DTX2: variants seen among roughly 807,000 people sequenced by gnomAD.
DTX2 encodes probable E3 ubiquitin-protein ligase DTX2.
Under a neutral mutation model 55.3 loss-of-function variants are expected in DTX2, and 29 were observed. The observed-to-expected ratio is 0.52, with a 90% CI of 0.39 to 0.71. DTX2 has a LOEUF of 0.71. DTX2 is among the 30% of genes least tolerant of loss of function. The pLI, the probability that DTX2 is intolerant of heterozygous loss-of-function variation, is 0.00. For synonymous variants in DTX2, 276 were observed against 340.4 expected, an observed-to-expected ratio of 0.81 and a Z score of 2.08; for missense variants, 537 against 822.5, an observed-to-expected ratio of 0.65 and a Z score of 4.25.
chr7:76,503,703 C>T (rs984810156), intron 9 of DTX2, 116 bp downstream of exon 9: 3 of 1,065,662 alleles, frequency 2.8e-6, no homozygotes, highest in African/African-American at 3.1e-5. Context: ...AAGCTCAGGC[C>T]CCCAGGTCCC....
chr7:76,480,840 C>T (rs1563733586), intron 3 of DTX2, 63 bp downstream of exon 3: 8 of 1,498,162 alleles, frequency 5.3e-6, no homozygotes, highest in Middle Eastern at 2.2e-4. Context: ...ACAGGCTCTG[C>T]GCCAGGTGTT....
chr7:76,497,640 G>C (rs1288186029), intron 6 of DTX2, among the ~76,000 whole-genome samples, 163 bp downstream of exon 6: 1 of 139,142 alleles, frequency 7.2e-6, no homozygotes, highest in Non-Finnish European at 1.5e-5. Context: ...CAGCAGAGGC[G>C]GCCCCTGGAA....
chr7:76,468,903 C>T (rs1418183295), intron 2 of DTX2, among the ~76,000 whole-genome samples: 1 of 134,862 alleles, frequency 7.4e-6, no homozygotes, highest in Admixed American at 7.7e-5. Context: ...GCTGGGACTA[C>T]AGGTGCACGC....
At chr7:76,490,995 CTTTT>C (rs773754831) in intron 4 of DTX2, among the ~76,000 whole-genome samples, 24 of 63,366 alleles carry the variant, frequency 3.8e-4, no homozygotes, top group South Asian at 1.4e-3. Flanking sequence ...TGAGAACCTG[CTTTT>C]TTTTTTTTTT....
intron 3 of DTX2, among the ~76,000 whole-genome samples, chr7:76,481,651 G>A (rs1584177973): frequency 6.6e-6 from 1 of 151,964 alleles, no homozygotes; most frequent in Non-Finnish European, 1.5e-5. Context: ...TGGGTGGGAG[G>A]TGGGGGTGCT....
chr7:76,495,370 T>G (rs954284423), intron 5 of DTX2, among the ~76,000 whole-genome samples: 1 of 150,770 alleles, frequency 6.6e-6, no homozygotes, highest in Non-Finnish European at 1.5e-5. Context: ...GGCTTCACTC[T>G]TCAGGGCTCT....
At chr7:76,480,389 T>A in intron 2 of DTX2, 32 bp from the exon 3 acceptor site, 1 of 1,172,474 alleles carries the variant, frequency 8.5e-7, no homozygotes, top group Non-Finnish European at 1.2e-6. Flanking sequence ...CTGATGTGCA[T>A]TGGTAACTGC....
chr7:76,481,770 C>G (rs968171722), intron 3 of DTX2, among the ~76,000 whole-genome samples: 1 of 150,968 alleles, frequency 6.6e-6, no homozygotes, highest in African/African-American at 2.4e-5. Context: ...AGTGAGGAAA[C>G]TTGAAAAACT....
At chr7:76,495,444 T>A (rs2530646) in intron 5 of DTX2, among the ~76,000 whole-genome samples, 10 of 152,034 alleles carry the variant, frequency 6.6e-5, no homozygotes, top group East Asian at 1.9e-4. Flanking sequence ...TATTCAGGTG[T>A]TTTGGGGGCT....
chr7:76,468,109 T>A (rs1194781269), intron 2 of DTX2, among the ~76,000 whole-genome samples: 1 of 152,292 alleles, frequency 6.6e-6, no homozygotes, highest in Non-Finnish European at 1.5e-5. Context: ...CAGGGCCTGA[T>A]TCCCGGATGC....
chr7:76,471,767 C>T (rs540230511), intron 2 of DTX2, among the ~76,000 whole-genome samples: 5 of 151,280 alleles, frequency 3.3e-5, no homozygotes, highest in African/African-American at 9.8e-5. Context: ...TGGGTAGGCC[C>T]GTAAACCAGG....
chr7:76,499,896 T>A (rs1811445895), intron 6 of DTX2: 1 of 337,876 alleles, frequency 3.0e-6, no homozygotes, highest in African/African-American at 2.2e-5. Flanking sequence ...AGTCTGCATG[T>A]GACAGACCTT....
At chr7:76,481,430 G>C (rs1368649341) in intron 3 of DTX2, among the ~76,000 whole-genome samples, 1 of 152,052 alleles carries the variant, frequency 6.6e-6, no homozygotes, top group Admixed American at 6.6e-5. Flanking sequence ...CAGGTGATCT[G>C]CCTGCCTCGG....
At chr7:76,481,476 C>T (rs769623442) in intron 3 of DTX2, among the ~76,000 whole-genome samples, 3 of 152,130 alleles carry the variant, frequency 2.0e-5, no homozygotes, top group Admixed American at 6.5e-5. Context: ...CATGAGCCAC[C>T]GCGCCTGGAC....
chr7:76,469,612 C>T (rs577458937), intron 2 of DTX2, among the ~76,000 whole-genome samples: 3 of 148,668 alleles, frequency 2.0e-5, no homozygotes, highest in Non-Finnish European at 4.4e-5. Flanking sequence ...CCAGGATGGT[C>T]TCGCTCTCCT....
chr7:76,498,462 G>A (rs1683076790), intron 6 of DTX2, among the ~76,000 whole-genome samples: 1 of 150,504 alleles, frequency 6.6e-6, no homozygotes, highest in South Asian at 2.2e-4. Flanking sequence ...GGGTTTACCT[G>A]GGAAGGACAC....
chr7:76,482,369 A>G (rs1809326575), intron 3 of DTX2, 139 bp from the exon 4 acceptor site: 2 of 1,077,690 alleles, frequency 1.9e-6, no homozygotes, highest in Non-Finnish European at 2.7e-6. Flanking sequence ...CTAACAATAA[A>G]TAAATAAACA....
At position 76,469,548 on chromosome 7, in the gene DTX2, A is replaced by G. The variant is rs557780702; in HGVS notation, c.-90+5839A>G. ...ACTGGGACTACAGGCGCTCGCCACC[A>G]CACTTGGCTAATTTTTTGTATTTTT... On this transcript the variant is annotated intron_variant, in intron 2 of 10. Transcript: ENST00000430490. Among the ~76,000 whole-genome samples the G allele has an allele frequency of 2.5e-3, 383 of 150,352 alleles. 2 individuals carry two copies. Among genetic ancestry groups the G allele is most frequent in the African/African-American group, 9.1e-3 (368 of 40,468 alleles).
intron 6 of DTX2, chr7:76,500,061 C>G (rs903608147): frequency 4.9e-5 from 18 of 364,492 alleles, no homozygotes; most frequent in South Asian, 3.5e-4. Context: ...CACAACGCCC[C>G]CTGGAGTAGT....
Sources: gnomAD v4.1 joint callset for allele counts (sites outside exome capture counted in the v4.1 genomes callset) on GRCh38, gnomAD v4.1.1 for gene constraint, MANE v1.5 for transcripts, NCBI Gene and HGNC (gene_info 2026-07-23, HGNC 2026-07-21) for gene names.